The following PLEKHA5 variants were observed in gnomAD, a reference collection of about 807,000 sequenced individuals.
The protein encoded by PLEKHA5 is pleckstrin homology domain-containing family A member 5.
Under a neutral mutation model 181.9 loss-of-function variants are expected in PLEKHA5, and 55 were observed. The ratio of observed to expected loss-of-function variants is 0.30; its 90% CI spans 0.24 to 0.38. The LOEUF (loss-of-function observed/expected upper bound fraction) is 0.38. Ranked by LOEUF, PLEKHA5 falls within the 10% of genes least tolerant of loss-of-function variation. The pLI is 1.00. For synonymous variants in PLEKHA5, 535 were observed against 529.4 expected, an observed-to-expected ratio of 1.01 and a Z score of -0.15; for missense variants, 1,432 against 1,549.5, an observed-to-expected ratio of 0.92 and a Z score of 1.27.
intron 15 of PLEKHA5, among the ~76,000 whole-genome samples, chr12:19,298,408 CTTTTTTTTT>C (rs533661916): frequency 3.8e-5 from 4 of 106,314 alleles, no homozygotes; most frequent in Admixed American, 1.9e-4. Context: ...ATTTTTTTAG[CTTTTTTTTT>C]TTTTTTTTTT....
At chr12:19,229,756 C>T (rs1238158998) in intron 3 of PLEKHA5, among the ~76,000 whole-genome samples, 3 of 152,232 alleles carry the variant, frequency 2.0e-5, no homozygotes, top group East Asian at 3.8e-4. Context: ...GCCCCACCCA[C>T]ATCCTGCTGA....
chr12:19,284,681 C>T lies in PLEKHA5; in HGVS notation c.1779+936C>T, dbSNP rs2076862077. On this transcript the variant is annotated intron_variant, in intron 12 of 31. Coordinates refer to ENST00000429027, the MANE Select transcript of PLEKHA5 (RefSeq NM_001256470.2). ...ATTCAAAGTGCTTTGTATCAATCAG[C>T]TTTTCATAATGCTAAAGCAGTGGCT... is the stretch of plus-strand genomic sequence containing the variant. Among the ~76,000 whole-genome samples the T allele has an allele frequency of 3.3e-5, 5 of 152,300 alleles. No individual in the cohort carries two copies. The South Asian group carries it at 1.0e-3, about 32-fold the overall frequency.
At chr12:19,137,139 TCTC>T in intron 3 of PLEKHA5, among the ~76,000 whole-genome samples, 1 of 152,058 alleles carries the variant, frequency 6.6e-6, no homozygotes, top group Non-Finnish European at 1.5e-5. Context: ...TTCAAGCAGT[TCTC>T]CTGCCTCAGT....
At chr12:19,167,324 G>C (rs1021143294) in intron 3 of PLEKHA5, among the ~76,000 whole-genome samples, 17 of 151,240 alleles carry the variant, frequency 1.1e-4, no homozygotes, top group African/African-American at 3.9e-4. Flanking sequence ...GTTTGATTTA[G>C]GAACCTATGC....
intron 14 of PLEKHA5, 21 bp from the exon 15 acceptor site, chr12:19,291,623 T>C: frequency 6.9e-7 from 1 of 1,442,346 alleles, no homozygotes; most frequent in Non-Finnish European, 9.4e-7. Context: ...TGTCCCTTTT[T>C]TCTTAATTGG....
rs1246889636 is a variant in PLEKHA5 at position 19,305,975 on chromosome 12, G to A, written c.2038-8839G>A. On this transcript the variant is annotated intron_variant, in intron 15 of 31. Coordinates refer to ENST00000429027, the MANE Select transcript of PLEKHA5 (RefSeq NM_001256470.2). ...CACGCCTGTAATCCCAGCTACTCGG[G>A]AGGCTGAAGCAGGAGAATCGCTTGA... 7.4e-4 allele frequency among the ~76,000 whole-genome samples: 113 copies of A among 151,710 alleles called. 1 individual carries two copies. The highest frequency in any genetic ancestry group is 2.5e-3 in the African/African-American group (103 of 41,296).
chr12:19,188,125 A>G (rs1039260294), intron 3 of PLEKHA5, among the ~76,000 whole-genome samples: 2 of 152,362 alleles, frequency 1.3e-5, no homozygotes, highest in South Asian at 2.1e-4. Flanking sequence ...TGGTAAGGAA[A>G]GTGTGGCCAC....
intron 15 of PLEKHA5, among the ~76,000 whole-genome samples, chr12:19,308,993 C>T (rs1006936563): frequency 4.0e-5 from 6 of 151,824 alleles, no homozygotes; most frequent in African/African-American, 1.5e-4. Context: ...ACCCAGGAGG[C>T]AGAGTTTGCA....
At chr12:19,265,602 T>G in intron 7 of PLEKHA5, 148 bp from the exon 8 acceptor site, 1 of 557,498 alleles carries the variant, frequency 1.8e-6, no homozygotes, top group Non-Finnish European at 3.2e-6. Context: ...ATTTGATATT[T>G]TCATTTAAAA....
At chr12:19,247,382 A>G (rs1459566476) in intron 3 of PLEKHA5, among the ~76,000 whole-genome samples, 2 of 152,192 alleles carry the variant, frequency 1.3e-5, no homozygotes, top group East Asian at 3.9e-4. Context: ...AGCATAGCCC[A>G]GGTGTTCCAG....
intron 3 of PLEKHA5, among the ~76,000 whole-genome samples, chr12:19,188,889 A>G (rs1460626633): frequency 6.6e-6 from 1 of 152,230 alleles, no homozygotes; most frequent in Non-Finnish European, 1.5e-5. Context: ...CCTTTCAATG[A>G]CCAATGTTTA....
chr12:19,234,534 T>G (rs1229042953), intron 3 of PLEKHA5, among the ~76,000 whole-genome samples: 1 of 152,172 alleles, frequency 6.6e-6, no homozygotes, highest in Non-Finnish European at 1.5e-5. Flanking sequence ...TTAGTATCCC[T>G]CATAAGCTTC....
chr12:19,215,571 AATC>A (rs1471068561), intron 3 of PLEKHA5, among the ~76,000 whole-genome samples: 1 of 152,182 alleles, frequency 6.6e-6, no homozygotes, highest in Non-Finnish European at 1.5e-5. Flanking sequence ...TTATATTTGA[AATC>A]ATATAATCAT....
intron 3 of PLEKHA5, chr12:19,150,997 A>G (rs1476473215): frequency 6.6e-6 from 1 of 152,206 alleles, no homozygotes; most frequent in Non-Finnish European, 1.5e-5. Flanking sequence ...AAACATGTAT[A>G]CTGCAAGGTT....
chr12:19,245,530 C>G (rs987564283), intron 3 of PLEKHA5, among the ~76,000 whole-genome samples: 1 of 151,872 alleles, frequency 6.6e-6, no homozygotes, highest in African/African-American at 2.4e-5. Flanking sequence ...GAGTTCGAGA[C>G]CAGCCTGGCC....
At chr12:19,272,965 G>C (rs979587658) in intron 10 of PLEKHA5, among the ~76,000 whole-genome samples, 1 of 152,154 alleles carries the variant, frequency 6.6e-6, no homozygotes, top group African/African-American at 2.4e-5. Flanking sequence ...GGAGTGCAGT[G>C]GCACGATCTC....
chr12:19,366,700 C>T (rs968044422), intron 30 of PLEKHA5, among the ~76,000 whole-genome samples: 9 of 152,106 alleles, frequency 5.9e-5, no homozygotes, highest in Non-Finnish European at 1.2e-4. Flanking sequence ...TATCTGTTCT[C>T]AGGGCTAGAT....
chr12:19,234,621 A>C (rs947321543), intron 3 of PLEKHA5, among the ~76,000 whole-genome samples: 3 of 152,162 alleles, frequency 2.0e-5, no homozygotes, highest in African/African-American at 7.2e-5. Context: ...CCACCATACC[A>C]CTGTGTGATT....
chr12:19,160,928 A>G (rs2042820171), intron 3 of PLEKHA5, among the ~76,000 whole-genome samples: 1 of 152,200 alleles, frequency 6.6e-6, no homozygotes, highest in East Asian at 1.9e-4. Flanking sequence ...CAATAATAAC[A>G]GTATTAGTAA....
Sources: gnomAD v4.1 joint callset for allele counts (sites outside exome capture counted in the v4.1 genomes callset) on GRCh38, gnomAD v4.1.1 for gene constraint, MANE v1.5 for transcripts, NCBI Gene and HGNC (gene_info 2026-07-23, HGNC 2026-07-21) for gene names.